The following PCDHGB5 variants were observed in gnomAD, a reference collection of about 807,000 sequenced individuals.
The protein encoded by PCDHGB5 is protocadherin gamma subfamily B, 5.
A neutral mutation model predicts 62.9 loss-of-function variants in PCDHGB5; 48 were observed. The observed-to-expected ratio is 0.76, with a 90% CI of 0.61 to 0.97. The LOEUF is 0.97. Among genes scored for constraint, PCDHGB5 ranks in the 50% least tolerant of loss-of-function variants. The pLI is 0.00. For synonymous variants in PCDHGB5, 474 were observed against 511.2 expected (o/e 0.93, Z 0.98); for missense variants, 1,118 against 1,198.6 (o/e 0.93, Z 0.99).
intron 1 of PCDHGB5, among the ~76,000 whole-genome samples, chr5:141,464,984 C>T (rs1345385418): frequency 1.3e-5 from 2 of 152,034 alleles, no homozygotes; most frequent in Non-Finnish European, 2.9e-5. Flanking sequence ...TCAAGTGATC[C>T]TCCCACCTCA....
intron 1 of PCDHGB5, among the ~76,000 whole-genome samples, chr5:141,472,980 C>CAAAAAAAAAAAAAAAAA (rs60579131): frequency 5.8e-5 from 5 of 86,060 alleles, no homozygotes; most frequent in African/African-American, 3.9e-5. Context: ...GAGTGAAACT[C>CAAAAAAAAAAAAAAAAA]AAAAAAAAAA....
intron 1 of PCDHGB5, among the ~76,000 whole-genome samples, chr5:141,462,783 T>A (rs1313584666): frequency 6.6e-6 from 1 of 152,236 alleles, no homozygotes; most frequent in Non-Finnish European, 1.5e-5. Flanking sequence ...CATAATTTGT[T>A]GCTTATTTGC....
Position 141,427,760 on chromosome 5 carries a change from T to C in PCDHGB5, c.2397+27236T>C, listed in dbSNP as rs1464459008. On this transcript the variant is annotated intron_variant, in intron 1 of 3. Coordinates refer to ENST00000617380, the MANE Select transcript of PCDHGB5 (RefSeq NM_018925.3). The stretch of plus-strand genomic sequence containing the variant: ...AAGTCTCCTACTCCATCGTTACCAC[T>C]GACTTGGAGCTGCGGGCACTGTCGT... The C allele has an allele frequency of 4.4e-6, 6 of 1,360,822 alleles. No individual in the cohort carries two copies. The Admixed American group carries it at 5.1e-5, about 12-fold the overall frequency. 84.3% of individuals were successfully genotyped at this position (1,360,822 alleles called of 1,614,324 possible).
chr5:141,426,768 G>A (rs2096959269), intron 1 of PCDHGB5: 1 of 456,516 alleles, frequency 2.2e-6, no homozygotes, highest in Non-Finnish European at 4.4e-6. Flanking sequence ...TGCAGATGTA[G>A]GGCCTCACTC....
At position 141,400,068 on chromosome 5, in the gene PCDHGB5, G is replaced by A. The variant is rs2093954953; in HGVS notation, c.1941G>A (p.Gln647=). The part of the protein sequence containing the change: ...RLLVAVRDGG[Q]PPLSATATLH... ...TGGTTGCTGTGCGTGATGGTGGACA[G>A]CCGCCACTCTCCGCCACCGCCACGC... Residue 647 remains glutamine, a synonymous_variant, in exon 1 of 4, where the codon CAG becomes CAA. Transcript: ENST00000617380. 1 of 1,613,706 alleles carries A rather than the reference G, an allele frequency of 6.2e-7. No individual in the cohort carries two copies. The highest frequency in any genetic ancestry group is 1.3e-5 in the African/African-American group (1 of 74,942).
intron 1 of PCDHGB5, among the ~76,000 whole-genome samples, chr5:141,436,350 C>T (rs1034303123): frequency 5.9e-5 from 9 of 152,126 alleles, no homozygotes; most frequent in Non-Finnish European, 1.3e-4. Flanking sequence ...TCAGTGACTT[C>T]AATCAACTAT....
chr5:141,497,326 T>C (rs1021730142), intron 2 of PCDHGB5, among the ~76,000 whole-genome samples: 1 of 152,060 alleles, frequency 6.6e-6, no homozygotes, highest in Non-Finnish European at 1.5e-5. Flanking sequence ...TGAAGCAGAA[T>C]TCACCATTGA....
intron 1 of PCDHGB5, among the ~76,000 whole-genome samples, chr5:141,442,736 A>C (rs2098340663): frequency 6.6e-6 from 1 of 152,226 alleles, no homozygotes; most frequent in African/African-American, 2.4e-5. Flanking sequence ...CCTGTAGGTA[A>C]GGAGCATGTT....
At position 141,450,051 on chromosome 5, in the gene PCDHGB5, G is replaced by C. The variant is rs576363410; in HGVS notation, c.2398-44756G>C. ...AGACAGGGTCTCACTCTTTCGCCCA[G>C]GCTGGAATGCAGTGGTATGATCTTG... On this transcript the variant is annotated intron_variant, in intron 1 of 3. Coordinates refer to ENST00000617380, the MANE Select transcript of PCDHGB5 (RefSeq NM_018925.3). Among the ~76,000 whole-genome samples, 362 of 139,654 alleles carry C rather than the reference G, an allele frequency of 2.6e-3. 1 individual carries two copies. Among genetic ancestry groups the C allele is most frequent in the South Asian group, 5.5e-3 (25 of 4,506 alleles). 91.6% of individuals were successfully genotyped at this position (139,654 alleles called of 152,430 possible). A position where few individuals can be genotyped will look rare whatever the true frequency, so the allele number is the denominator to read the frequency against.
intron 1 of PCDHGB5, among the ~76,000 whole-genome samples, chr5:141,450,112 T>G (rs2098669735): frequency 6.6e-6 from 1 of 150,618 alleles, no homozygotes; most frequent in Non-Finnish European, 1.5e-5. Context: ...GTTCAAATGA[T>G]TCTCCTGCCT....
chr5:141,490,544 A>G lies in PCDHGB5; in HGVS notation c.2398-4263A>G. 6.2e-7 allele frequency: 1 copy of G among 1,614,120 alleles called. No individual in the cohort carries two copies. Among genetic ancestry groups the G allele is most frequent in the Non-Finnish European group, 8.5e-7 (1 of 1,180,028 alleles). ...AGCGATGCTGGTTCACCTTCCCTAC[A>G]CAAACATCTCACCATCAGGCTCAAC... On this transcript the variant is annotated intron_variant, in intron 1 of 3. Transcript: ENST00000617380. This position sits in a 1 kb window ranked among gnomAD's most constrained non-coding sequence, Gnocchi z 5.4.
rs143767010 is a variant in PCDHGB5 at position 141,460,190 on chromosome 5, A to G, written c.2398-34617A>G. 3.2e-3 allele frequency among the ~76,000 whole-genome samples: 486 copies of G among 152,218 alleles called. 1 individual carries two copies. Among genetic ancestry groups the G allele is most frequent in the Non-Finnish European group, 4.9e-3 (336 of 68,006 alleles). ...TTTTGTGGATATTTTATCCCAGACTATGACTTGTCTTTTCATTTTCTTAGT... is the reference window on the plus strand; with the variant it reads ...TTTTGTGGATATTTTATCCCAGACTGTGACTTGTCTTTTCATTTTCTTAGT... On this transcript the variant is annotated intron_variant, in intron 1 of 3. Coordinates refer to ENST00000617380, the MANE Select transcript of PCDHGB5 (RefSeq NM_018925.3).
At chr5:141,464,982 T>A (rs914697541) in intron 1 of PCDHGB5, among the ~76,000 whole-genome samples, 1 of 152,030 alleles carries the variant, frequency 6.6e-6, no homozygotes, top group Non-Finnish European at 1.5e-5. Context: ...CTTCAAGTGA[T>A]CCTCCCACCT....
In PCDHGB5 at chr5:141,431,494, C is replaced by A; in HGVS notation, c.2397+30970C>A. 6.2e-7 allele frequency: 1 copy of A among 1,613,956 alleles called. No homozygotes were observed. Among genetic ancestry groups the A allele is most frequent in the Middle Eastern group, 1.6e-4 (1 of 6,062 alleles). On this transcript the variant is annotated intron_variant, in intron 1 of 3. Coordinates refer to ENST00000617380, the MANE Select transcript of PCDHGB5 (RefSeq NM_018925.3). This position sits in a 1 kb window ranked among gnomAD's most constrained non-coding sequence, Gnocchi z 4.8. Reference sequence around the variant, plus strand: ...ACAACGCACCAGCGTTTGCTCAGCCCGAGTACCGCGCGAGCGTTCCGGAGA... The same window carrying A: ...ACAACGCACCAGCGTTTGCTCAGCCAGAGTACCGCGCGAGCGTTCCGGAGA...
intron 1 of PCDHGB5, 156 bp downstream of exon 1, chr5:141,400,680 G>A (rs1452030965): frequency 1.4e-5 from 12 of 883,960 alleles, no homozygotes; most frequent in Admixed American, 5.5e-5. Context: ...GCAGTAAATT[G>A]TGAGTTTTTA....
intron 1 of PCDHGB5, chr5:141,413,901 C>T (rs375828969): frequency 1.5e-5 from 24 of 1,613,244 alleles, no homozygotes; most frequent in African/African-American, 1.1e-4. Context: ...CAAATGACAA[C>T]GCGCCGGTCT....
chr5:141,481,646 C>T (rs1425216422), intron 1 of PCDHGB5, among the ~76,000 whole-genome samples: 1 of 151,950 alleles, frequency 6.6e-6, no homozygotes, highest in African/African-American at 2.4e-5. Flanking sequence ...GGTGAAACTT[C>T]ATCTCTACTA....
chr5:141,462,462 T>G (rs570804965), intron 1 of PCDHGB5, among the ~76,000 whole-genome samples: 1 of 152,346 alleles, frequency 6.6e-6, no homozygotes, highest in Middle Eastern at 3.4e-3. Flanking sequence ...CTGAAAACTG[T>G]GTATTCTGCT....
At chr5:141,450,004 C>CTTTAT (rs2098662217) in intron 1 of PCDHGB5, among the ~76,000 whole-genome samples, 1 of 75,148 alleles carries the variant, frequency 1.3e-5, no homozygotes, top group Non-Finnish European at 2.3e-5. Flanking sequence ...GTTGCCATGT[C>CTTTAT]TCTTTTTTTT....
Sources: gnomAD v4.1 joint callset for allele counts (sites outside exome capture counted in the v4.1 genomes callset) on GRCh38, gnomAD v4.1.1 for gene constraint, Gnocchi (gnomAD v3.1) non-coding constraint, MANE v1.5 for transcripts, NCBI Gene and HGNC (gene_info 2026-07-23, HGNC 2026-07-21) for gene names.